Variants in CCSER1 observed in about 807,000 individuals in gnomAD.
CCSER1 encodes the protein serine-rich coiled-coil domain-containing protein 1.
Under a neutral mutation model 82.0 loss-of-function variants are expected in CCSER1, and 41 were observed. The observed-to-expected ratio is 0.50, with a 90% CI of 0.39 to 0.65. CCSER1 has a LOEUF of 0.65. Ranked by LOEUF, CCSER1 falls within the 30% of genes least tolerant of loss-of-function variation. The pLI is 0.00. For missense variants in CCSER1, 1,119 were observed against 1,064.2 expected (o/e 1.05, Z -0.72); for synonymous variants, 414 against 383.9 (o/e 1.08, Z -0.92).
intron 1 of CCSER1, among the ~76,000 whole-genome samples, chr4:90,233,973 G>A (rs1037380079): frequency 6.6e-6 from 1 of 152,122 alleles, no homozygotes; most frequent in Admixed American, 6.5e-5. Flanking sequence ...ATCTTGAGAT[G>A]TAATAAAGTG....
At chr4:91,427,508 AT>A (rs1281084696) in intron 10 of CCSER1, among the ~76,000 whole-genome samples, 2 of 152,112 alleles carry the variant, frequency 1.3e-5, no homozygotes, top group Non-Finnish European at 2.9e-5. Context: ...TTCTAAGCAT[AT>A]TTTAGATGAG....
At chr4:90,968,415 A>C (rs2150392474) in intron 9 of CCSER1, among the ~76,000 whole-genome samples, 1 of 152,076 alleles carries the variant, frequency 6.6e-6, no homozygotes, top group African/African-American at 2.4e-5. Context: ...GCACATGCAA[A>C]CCTCTGAAGA....
chr4:90,814,622 T>C (rs1237061510), intron 7 of CCSER1, among the ~76,000 whole-genome samples: 1 of 152,232 alleles, frequency 6.6e-6, no homozygotes, highest in Non-Finnish European at 1.5e-5. Flanking sequence ...CTTGAATGCT[T>C]TGCTGCTTCG....
intron 5 of CCSER1, among the ~76,000 whole-genome samples, chr4:90,602,734 T>A (rs570584159): frequency 6.6e-6 from 1 of 152,170 alleles, no homozygotes; most frequent in Non-Finnish European, 1.5e-5. Context: ...CCTCCGCAAG[T>A]CTCATGGGGA....
chr4:91,399,388 G>A lies in CCSER1; in HGVS notation c.2218-199184G>A, dbSNP rs556129768. 1.3e-3 allele frequency among the ~76,000 whole-genome samples: 203 copies of A among 151,900 alleles called. 1 individual carries two copies. The highest frequency in any genetic ancestry group is 3.4e-3 in the Middle Eastern group (1 of 294). ...ATGTGCCAAGGTGTCCTAATGGAGG[G>A]AAAAACATTATAGGAAGTAGGAGGA... is the stretch of plus-strand genomic sequence containing the variant. On this transcript the variant is annotated intron_variant, in intron 10 of 10. Transcript: ENST00000509176.
rs142853978 is a variant in CCSER1, at chr4:91,376,334, C to G, written c.2218-222238C>G. 6.3e-4 allele frequency among the ~76,000 whole-genome samples: 96 copies of G among 152,248 alleles called. 1 individual carries two copies. Among genetic ancestry groups the G allele is most frequent in the African/African-American group, 2.1e-3 (89 of 41,548 alleles). ...CTAGGCTATATGGCATAGCCTATTGCTCTTAGGCTATGAACCTTTGAGCAT... is the reference window on the plus strand; with the variant it reads ...CTAGGCTATATGGCATAGCCTATTGGTCTTAGGCTATGAACCTTTGAGCAT... On this transcript the variant is annotated intron_variant, in intron 10 of 10. Coordinates refer to ENST00000509176, the MANE Select transcript of CCSER1 (RefSeq NM_001145065.2).
intron 4 of CCSER1, among the ~76,000 whole-genome samples, chr4:90,434,611 G>T (rs1156669483): frequency 6.6e-6 from 1 of 152,104 alleles, no homozygotes; most frequent in African/African-American, 2.4e-5. Flanking sequence ...AACAGCTTGG[G>T]TAAAAAGCAG....
At chr4:90,189,477 G>A (rs898137832) in intron 1 of CCSER1, among the ~76,000 whole-genome samples, 10 of 151,798 alleles carry the variant, frequency 6.6e-5, no homozygotes, top group Non-Finnish European at 1.3e-4. Flanking sequence ...CTGAGCATAT[G>A]GATGTGCGCA....
intron 9 of CCSER1, among the ~76,000 whole-genome samples, chr4:91,022,911 C>T (rs1740135495): frequency 6.6e-6 from 1 of 152,052 alleles, no homozygotes; most frequent in African/African-American, 2.4e-5. Flanking sequence ...TGGATGTTAG[C>T]CCTTTGTCAG....
intron 8 of CCSER1, among the ~76,000 whole-genome samples, chr4:90,884,348 A>G (rs1203067154): frequency 6.6e-6 from 1 of 152,224 alleles, no homozygotes; most frequent in African/African-American, 2.4e-5. Context: ...TAGGGGCAAC[A>G]GGAAGCACCC....
chr4:90,766,216 A>T (rs1209191081), intron 7 of CCSER1, among the ~76,000 whole-genome samples: 2 of 152,158 alleles, frequency 1.3e-5, no homozygotes, highest in Non-Finnish European at 2.9e-5. Context: ...AACATAGCAG[A>T]TGAGTCTTCC....
At chr4:90,490,128 A>G (rs1767747798) in intron 5 of CCSER1, among the ~76,000 whole-genome samples, 1 of 152,192 alleles carries the variant, frequency 6.6e-6, no homozygotes, top group Non-Finnish European at 1.5e-5. Context: ...ACCAGTTTAC[A>G]GTCCCACCAA....
intron 5 of CCSER1, among the ~76,000 whole-genome samples, chr4:90,577,410 A>G (rs1192764511): frequency 6.6e-6 from 1 of 152,036 alleles, no homozygotes; most frequent in African/African-American, 2.4e-5. Flanking sequence ...TGTCAGTTTT[A>G]GTTGAGGGAT....
At chr4:91,238,890 C>T (rs1739228603) in intron 10 of CCSER1, among the ~76,000 whole-genome samples, 1 of 151,938 alleles carries the variant, frequency 6.6e-6, no homozygotes, top group Non-Finnish European at 1.5e-5. Context: ...GTGGCAGGAC[C>T]TCAGCTCACC....
At chr4:90,624,544 A>G (rs1224692617) in intron 5 of CCSER1, among the ~76,000 whole-genome samples, 1 of 152,186 alleles carries the variant, frequency 6.6e-6, no homozygotes, top group Non-Finnish European at 1.5e-5. Context: ...GAACTTTTGA[A>G]CTAGTTTGAT....
intron 7 of CCSER1, among the ~76,000 whole-genome samples, chr4:90,801,046 T>C (rs1157577107): frequency 1.3e-5 from 2 of 152,122 alleles, no homozygotes; most frequent in Non-Finnish European, 2.9e-5. Flanking sequence ...TATTTTTTAT[T>C]GTTAGTTCAA....
chr4:91,114,949 T>A (rs1726415812), intron 10 of CCSER1, among the ~76,000 whole-genome samples: 2 of 152,224 alleles, frequency 1.3e-5, no homozygotes, highest in Admixed American at 6.5e-5. Flanking sequence ...TATCTCCTTC[T>A]CTTAATATTT....
chr4:90,185,159 A>G (rs1351245097), intron 1 of CCSER1, among the ~76,000 whole-genome samples: 1 of 152,206 alleles, frequency 6.6e-6, no homozygotes, highest in East Asian at 1.9e-4. Flanking sequence ...CCTTCACAAT[A>G]TGTGCGGATT....
intron 6 of CCSER1, among the ~76,000 whole-genome samples, chr4:90,685,448 G>A (rs1268401992): frequency 1.3e-5 from 2 of 152,124 alleles, no homozygotes; most frequent in Non-Finnish European, 2.9e-5. Flanking sequence ...GATATTATTA[G>A]AGTGCCAATC....
Sources: gnomAD v4.1 joint callset for allele counts (sites outside exome capture counted in the v4.1 genomes callset) on GRCh38, gnomAD v4.1.1 for gene constraint, MANE v1.5 for transcripts, NCBI Gene and HGNC (gene_info 2026-07-23, HGNC 2026-07-21) for gene names.